The following ENTPD5 variants were observed in gnomAD, a reference collection of about 807,000 sequenced individuals.
The protein encoded by ENTPD5 is ectonucleoside triphosphate diphosphohydrolase 5 (inactive).
ENTPD5 carries 49 observed loss-of-function variants against 60.2 expected under a neutral mutation model. The ratio of observed to expected loss-of-function variants is 0.81; its 90% CI spans 0.65 to 1.03. The LOEUF (loss-of-function observed/expected upper bound fraction) is 1.03, where lower values mean the gene tolerates loss of function less well. Ranked by LOEUF, ENTPD5 falls within the 50% of genes least tolerant of loss-of-function variation. The probability of loss-of-function intolerance (pLI) is 0.00; values close to 1 mark genes in which losing one functional copy is unlikely to be tolerated. For missense variants in ENTPD5, 480 were observed against 507.6 expected, an observed-to-expected ratio of 0.95 and a Z score of 0.52; for synonymous variants, 187 against 185.4, an observed-to-expected ratio of 1.01 and a Z score of -0.07.
downstream of ENTPD5, chr14:73,959,737 T>C: frequency 2.6e-6 from 3 of 1,156,828 alleles, no homozygotes; most frequent in South Asian, 4.9e-5. Context: ...GCCCAGCTAA[T>C]TTTTCTATTT....
chr14:74,001,225 G>A (rs1243025302), intron 3 of ENTPD5, among the ~76,000 whole-genome samples: 1 of 151,826 alleles, frequency 6.6e-6, no homozygotes, highest in East Asian at 1.9e-4. Context: ...GGGTGTGTCT[G>A]GGCGCAGTGG....
intron 5 of ENTPD5, chr14:73,986,250 A>G (rs1368782235): frequency 6.6e-6 from 1 of 152,296 alleles, no homozygotes; most frequent in African/African-American, 2.4e-5. Context: ...ATTCTATTTT[A>G]TTTCAACATG....
At chr14:73,975,449 G>A (rs1055901724) in intron 10 of ENTPD5, among the ~76,000 whole-genome samples, 1 of 148,092 alleles carries the variant, frequency 6.8e-6, no homozygotes, top group African/African-American at 2.5e-5. Flanking sequence ...CTGTCGCTCC[G>A]GCTGAAGTGC....
downstream of ENTPD5, chr14:73,955,656 G>A: frequency 4.3e-6 from 6 of 1,397,490 alleles, no homozygotes; most frequent in Non-Finnish European, 6.1e-6. Flanking sequence ...GCATTCCCAG[G>A]AGAATTTTCT....
intron 2 of ENTPD5, among the ~76,000 whole-genome samples, chr14:74,015,198 CACCTATAAAGT>C (rs1386543477): frequency 2.6e-5 from 4 of 151,824 alleles, no homozygotes; most frequent in African/African-American, 9.7e-5. Context: ...TAGACTGATC[CACCTATAAAGT>C]ACCATCTGCT....
intron 8 of ENTPD5, 83 bp downstream of exon 8, chr14:73,976,941 G>T: frequency 1.7e-6 from 2 of 1,202,896 alleles, no homozygotes; most frequent in Non-Finnish European, 2.4e-6. Flanking sequence ...AAACAATACA[G>T]AATGAAAGAA....
downstream of ENTPD5, chr14:73,958,545 T>G (rs1188783923): frequency 7.6e-7 from 1 of 1,315,884 alleles, no homozygotes; most frequent in Non-Finnish European, 9.7e-7. Context: ...GAATGGAGGC[T>G]GTTCTTTCCC....
At chr14:73,955,676 A>T (rs1048154129), downstream of ENTPD5, 3 of 1,482,938 alleles carry the variant, frequency 2.0e-6, no homozygotes, top group Non-Finnish European at 2.8e-6. Flanking sequence ...TTCTCATTTT[A>T]TATTTTCCTA....
chr14:73,986,504 C>T (rs184526732), intron 5 of ENTPD5: 6 of 281,550 alleles, frequency 2.1e-5, no homozygotes, highest in East Asian at 7.4e-5. Context: ...TTATCTTCTG[C>T]GCTTACATGA....
intron 3 of ENTPD5, among the ~76,000 whole-genome samples, chr14:74,010,026 G>A (rs1017445126): frequency 2.6e-5 from 4 of 152,122 alleles, no homozygotes; most frequent in Non-Finnish European, 4.4e-5. Context: ...TCCTGATCTC[G>A]TGATCCGCCT....
downstream of ENTPD5, chr14:73,956,107 G>A (rs1487033004): frequency 2.0e-5 from 14 of 694,368 alleles, no homozygotes; most frequent in East Asian, 9.6e-5. Context: ...GGCGGATCAC[G>A]AGGTCAGGAG....
At chr14:73,975,656 G>A (rs771941655) in intron 10 of ENTPD5, among the ~76,000 whole-genome samples, 9 of 151,928 alleles carry the variant, frequency 5.9e-5, no homozygotes, top group Admixed American at 1.3e-4. Context: ...CACCCACCTC[G>A]GCCTCCCAAA....
intron 3 of ENTPD5, among the ~76,000 whole-genome samples, chr14:74,000,719 A>C (rs2058481862): frequency 6.6e-6 from 1 of 151,538 alleles, no homozygotes; most frequent in Admixed American, 6.6e-5. Flanking sequence ...GCGAGGCTGC[A>C]GGGAGCCGAG....
chr14:74,011,572 A>G (rs1166661343), intron 2 of ENTPD5, among the ~76,000 whole-genome samples: 2 of 152,150 alleles, frequency 1.3e-5, no homozygotes, highest in Non-Finnish European at 2.9e-5. Context: ...CAAGGCAGGC[A>G]GACAGCTTGA....
intron 3 of ENTPD5, among the ~76,000 whole-genome samples, chr14:74,000,117 A>C: frequency 6.6e-6 from 1 of 151,246 alleles, no homozygotes. Context: ...GTAAAGGAAC[A>C]AAAACACAGG....
At chr14:74,012,617 T>C (rs2058880787) in intron 2 of ENTPD5, among the ~76,000 whole-genome samples, 1 of 152,150 alleles carries the variant, frequency 6.6e-6, no homozygotes, top group Non-Finnish European at 1.5e-5. Context: ...TAAAGGTGTG[T>C]GTAAGACAAA....
intron 3 of ENTPD5, among the ~76,000 whole-genome samples, chr14:73,998,436 G>A (rs2058405162): frequency 6.6e-6 from 1 of 152,014 alleles, no homozygotes; most frequent in African/African-American, 2.4e-5. Flanking sequence ...TCATTTCTGC[G>A]TTTGTCCCCT....
At chr14:74,011,052 CT>C in intron 3 of ENTPD5, 38 bp downstream of exon 3, 1 of 442,350 alleles carries the variant, frequency 2.3e-6, no homozygotes, top group Non-Finnish European at 3.0e-6. Context: ...GAAATCTGAC[CT>C]ATGAAAAAGT....
intron 2 of ENTPD5, among the ~76,000 whole-genome samples, chr14:74,015,113 GAA>G (rs1478968708): frequency 1.3e-5 from 2 of 150,816 alleles, no homozygotes; most frequent in African/African-American, 4.9e-5. Flanking sequence ...ACTCCCATAA[GAA>G]ACAGTTTGGA....
Sources: allele counts gnomAD v4.1 joint callset (sites outside exome capture counted in the v4.1 genomes callset), GRCh38; gene constraint gnomAD v4.1.1; transcripts MANE v1.5; gene names NCBI Gene and HGNC (gene_info 2026-07-23, HGNC 2026-07-21).